Variants in PPP1R12A observed in about 807,000 individuals in gnomAD.
PPP1R12A encodes protein phosphatase 1 regulatory subunit 12A, also known as myosin binding subunit.
A neutral mutation model predicts 139.6 loss-of-function variants in PPP1R12A; 19 were observed. That is an observed-to-expected ratio of 0.14 (90% CI 0.09 to 0.20). The LOEUF is 0.20. Ranked by LOEUF, PPP1R12A falls within the 10% of genes least tolerant of loss-of-function variation. The probability of loss-of-function intolerance (pLI) is 1.00; values close to 1 mark genes in which losing one functional copy is unlikely to be tolerated. For missense variants in PPP1R12A, 925 were observed against 1,211.5 expected, an observed-to-expected ratio of 0.76 and a Z score of 3.51; for synonymous variants, 427 against 420.6, an observed-to-expected ratio of 1.02 and a Z score of -0.19.
chr12:79,863,249 T>A (rs1408537459), intron 2 of PPP1R12A, among the ~76,000 whole-genome samples: 1 of 152,058 alleles, frequency 6.6e-6, no homozygotes, highest in Non-Finnish European at 1.5e-5. Flanking sequence ...ATAAAATCCT[T>A]TACAGACAAG....
rs1869537876 is a variant in PPP1R12A, at chr12:79,774,555, GT to G, written c.*1373del. ...AGAAAGATGTAGTATTTTTTGCATG[GT>G]TTAATGAAAATATAAAAGCTATTTG... On this transcript the variant is annotated 3_prime_UTR_variant, in exon 25 of 25. Transcript: ENST00000450142. The G allele has an allele frequency of 6.6e-6, 1 of 151,974 alleles. No homozygotes were observed. The highest frequency in any genetic ancestry group is 2.4e-5 in the African/African-American group (1 of 41,236). 9.4% of individuals were successfully genotyped at this position (151,974 alleles called of 1,614,324 possible).
intron 3 of PPP1R12A, among the ~76,000 whole-genome samples, chr12:79,836,160 CTAT>C (rs1207481807): frequency 6.6e-6 from 1 of 152,126 alleles, no homozygotes; most frequent in African/African-American, 2.4e-5. Context: ...TGAACACAAC[CTAT>C]TATGATTTTT....
chr12:79,810,928 C>T (rs1874444551), intron 9 of PPP1R12A, among the ~76,000 whole-genome samples: 1 of 151,944 alleles, frequency 6.6e-6, no homozygotes, highest in African/African-American at 2.4e-5. Flanking sequence ...GATTTCCCCA[C>T]CAAACATTAA....
At chr12:79,857,270 A>C in intron 2 of PPP1R12A, among the ~76,000 whole-genome samples, 1 of 152,264 alleles carries the variant, frequency 6.6e-6, no homozygotes, top group Middle Eastern at 3.4e-3. Flanking sequence ...TGATGAGTTC[A>C]TGTCCTTTGT....
chr12:79,821,792 G>T (rs1421368723), intron 6 of PPP1R12A, among the ~76,000 whole-genome samples: 1 of 150,802 alleles, frequency 6.6e-6, no homozygotes, highest in Non-Finnish European at 1.5e-5. Context: ...ATAACTCCTT[G>T]CTTATCTAGG....
chr12:79,807,295 G>C lies in PPP1R12A; in HGVS notation c.1586C>G (p.Thr529Arg). Reference sequence around the variant, plus strand: ...AAGATCATCTTCCCATTTTCTCCTTGTATATGAACTACTTGTTCGCAAACT... The same window carrying C: ...AAGATCATCTTCCCATTTTCTCCTTCTATATGAACTACTTGTTCGCAAACT... Reference protein sequence around the residue: ...SSSLRTSSSYTRRKWEDDLKK... With the variant: ...SSSLRTSSSYRRRKWEDDLKK... Residue 529 changes from threonine (T) to arginine (R), a missense_variant, in exon 12 of 25, where the codon ACA becomes AGA. Thr to Arg is a moderately conservative substitution (Grantham distance 71). Coordinates refer to ENST00000450142, the MANE Select transcript of PPP1R12A (RefSeq NM_002480.3). 2 of 1,555,066 alleles carry C rather than the reference G, an allele frequency of 1.3e-6. No homozygotes were observed. Among genetic ancestry groups the C allele is most frequent in the Non-Finnish European group, 8.7e-7 (1 of 1,148,160 alleles).
At chr12:79,870,995 T>A (rs1419129223) in intron 2 of PPP1R12A, among the ~76,000 whole-genome samples, 1 of 152,202 alleles carries the variant, frequency 6.6e-6, no homozygotes, top group Non-Finnish European at 1.5e-5. Flanking sequence ...GCAATCCATT[T>A]TTTTTTTATT....
chr12:79,793,516 A>G (rs1359157084), intron 19 of PPP1R12A, among the ~76,000 whole-genome samples: 1 of 152,166 alleles, frequency 6.6e-6, no homozygotes, highest in East Asian at 1.9e-4. Flanking sequence ...GGCCAAGGGT[A>G]CTATTTCTTT....
intron 4 of PPP1R12A, 147 bp from the exon 5 acceptor site, chr12:79,828,611 G>A: frequency 4.6e-6 from 3 of 656,876 alleles, no homozygotes; most frequent in Non-Finnish European, 7.2e-6. Context: ...AATTAACTAT[G>A]GCAAATACAA....
At chr12:79,828,563 TA>T in intron 4 of PPP1R12A, 99 bp from the exon 5 acceptor site, 1 of 948,652 alleles carries the variant, frequency 1.1e-6, no homozygotes, top group African/African-American at 1.7e-5. Flanking sequence ...AATTTTCAAT[TA>T]ATTTCTTTTC....
In PPP1R12A at chr12:79,909,830, C is replaced by T. The variant is rs117113811; in HGVS notation, c.237+24865G>A. Among the ~76,000 whole-genome samples the T allele has an allele frequency of 6.0e-3, 914 of 151,812 alleles. 4 individuals carry two copies. Among genetic ancestry groups the T allele is most frequent in the Middle Eastern group, 0.017 (5 of 292 alleles). ...TGTTGTTGTTGACGATGTTTTGAGA[C>T]ACAGTCTCACTCTGTCGCCCAGGCA... On this transcript the variant is annotated intron_variant, in intron 1 of 24. Transcript: ENST00000450142.
chr12:79,810,164 T>TA, intron 9 of PPP1R12A, among the ~76,000 whole-genome samples, 154 bp from the exon 10 acceptor site: 1 of 152,108 alleles, frequency 6.6e-6, no homozygotes, highest in Non-Finnish European at 1.5e-5. Flanking sequence ...AATGTCTTAG[T>TA]AAAAAATGTA....
At chr12:79,813,692 G>A (rs888528497) in intron 9 of PPP1R12A, among the ~76,000 whole-genome samples, 1 of 152,092 alleles carries the variant, frequency 6.6e-6, no homozygotes, top group African/African-American at 2.4e-5. Context: ...TCAAACTGAT[G>A]GTTTTATAGA....
intron 2 of PPP1R12A, among the ~76,000 whole-genome samples, chr12:79,860,858 C>T (rs1435440224): frequency 6.6e-6 from 1 of 151,906 alleles, no homozygotes; most frequent in Non-Finnish European, 1.5e-5. Context: ...AGTAATCATA[C>T]TGGTGGTGGT....
intron 1 of PPP1R12A, among the ~76,000 whole-genome samples, chr12:79,877,026 A>C (rs1883176036): frequency 6.6e-6 from 1 of 151,848 alleles, no homozygotes; most frequent in Non-Finnish European, 1.5e-5. Flanking sequence ...AAAAAAGGGT[A>C]AAAGCATTGA....
rs755985155 is a variant in PPP1R12A at position 79,832,321 on chromosome 12, A to C, written c.647+11T>G. 6.3e-7 allele frequency: 1 copy of C among 1,590,002 alleles called. No homozygotes were observed. Among genetic ancestry groups the C allele is most frequent in the Non-Finnish European group, 8.5e-7 (1 of 1,172,246 alleles). ...CTAAAATAGAAAAACTCTGTAAAAAACAATACTTACTTTAAAACTTCCGTA... is the reference window on the plus strand; with the variant it reads ...CTAAAATAGAAAAACTCTGTAAAAACCAATACTTACTTTAAAACTTCCGTA... On this transcript the variant is annotated intron_variant, in intron 4 of 24. Transcript: ENST00000450142.
chr12:79,812,542 G>C (rs1413478411), intron 9 of PPP1R12A, among the ~76,000 whole-genome samples: 1 of 151,626 alleles, frequency 6.6e-6, no homozygotes, highest in Non-Finnish European at 1.5e-5. Flanking sequence ...TCTTCTCCTG[G>C]GGGGTTAGGA....
At chr12:79,893,435 G>T (rs1484547253) in intron 1 of PPP1R12A, among the ~76,000 whole-genome samples, 1 of 151,906 alleles carries the variant, frequency 6.6e-6, no homozygotes, top group African/African-American at 2.4e-5. Flanking sequence ...CTACACTACG[G>T]GCTCTCAAAC....
chr12:79,920,893 A>G (rs925085299), intron 1 of PPP1R12A, among the ~76,000 whole-genome samples: 1 of 152,196 alleles, frequency 6.6e-6, no homozygotes, highest in Non-Finnish European at 1.5e-5. Context: ...AGTTTCTGGT[A>G]TTCCGTTATA....
Sources: allele counts gnomAD v4.1 joint callset (sites outside exome capture counted in the v4.1 genomes callset), GRCh38; gene constraint gnomAD v4.1.1; transcripts MANE v1.5; gene names NCBI Gene and HGNC (gene_info 2026-07-23, HGNC 2026-07-21).